The following KCNH5 variants were observed in gnomAD, a reference collection of about 807,000 sequenced individuals.
The protein encoded by KCNH5 is potassium voltage-gated channel subfamily H member 5, also known as voltage-gated delayed rectifier potassium channel KCNH5.
KCNH5 carries 46 observed loss-of-function variants against 96.1 expected under a neutral mutation model. The ratio of observed to expected loss-of-function variants is 0.48; its 90% confidence interval spans 0.38 to 0.61. The LOEUF is 0.61. Among genes scored for constraint, KCNH5 ranks in the 20% least tolerant of loss-of-function variants. KCNH5 has a pLI of 0.00. For synonymous variants in KCNH5, 439 were observed against 449.8 expected, an observed-to-expected ratio of 0.98 and a Z score of 0.30; for missense variants, 907 against 1,225.8, an observed-to-expected ratio of 0.74 and a Z score of 3.88.
chr14:62,792,033 A>G (rs1026672762), intron 9 of KCNH5, among the ~76,000 whole-genome samples: 5 of 151,796 alleles, frequency 3.3e-5, no homozygotes, highest in Non-Finnish European at 7.4e-5. Context: ...ATGATTTTTA[A>G]TTACATTATT....
At chr14:63,025,001 A>G (rs1891499340) in intron 1 of KCNH5, among the ~76,000 whole-genome samples, 1 of 152,162 alleles carries the variant, frequency 6.6e-6, no homozygotes, top group Non-Finnish European at 1.5e-5. Context: ...ATATTTTCAA[A>G]CCAAATTCAA....
chr14:62,740,924 C>T (rs1278242221), intron 10 of KCNH5, among the ~76,000 whole-genome samples: 1 of 152,116 alleles, frequency 6.6e-6, no homozygotes, highest in Non-Finnish European at 1.5e-5. Flanking sequence ...TTCCAGCTTC[C>T]ATTATTTAGT....
chr14:62,713,210 A>AAAT (rs1461509927), intron 10 of KCNH5, among the ~76,000 whole-genome samples: 2 of 152,262 alleles, frequency 1.3e-5, no homozygotes, highest in African/African-American at 4.8e-5. Flanking sequence ...AAAATGTTAC[A>AAAT]AATAAGCAGG....
intron 1 of KCNH5, among the ~76,000 whole-genome samples, chr14:63,021,145 C>A (rs1891418829): frequency 6.6e-6 from 1 of 152,084 alleles, no homozygotes; most frequent in Non-Finnish European, 1.5e-5. Flanking sequence ...GCAGGCCATA[C>A]AGCTACATGG....
At position 62,700,718 on chromosome 14, in the gene KCNH5, T is replaced by A. The variant is rs577006369; in HGVS notation, c.*6790A>T. On this transcript the variant is annotated 3_prime_UTR_variant, in exon 11 of 11. Coordinates refer to ENST00000322893, the MANE Select transcript of KCNH5 (RefSeq NM_139318.5). ...GAATCTTTGTTGTGATTTTGCATAG[T>A]TTACTAGCTAGGTATTCTTCCTGTT... is the stretch of plus-strand genomic sequence containing the variant. 94 of 152,322 alleles carry A rather than the reference T, an allele frequency of 6.2e-4. No homozygotes were observed. The highest frequency in any genetic ancestry group is 2.2e-3 in the African/African-American group (93 of 41,578). The allele number at this position is 152,322 out of a possible 1,614,324, so 9.4% of individuals were successfully genotyped here.
At position 62,785,891 on chromosome 14, in the gene KCNH5, C is replaced by T. The variant is rs1041233752; in HGVS notation, c.1823-5967G>A. Reference sequence around the variant, plus strand: ...GTTAATGACATGAATAAAATAAATGCATAAAAATTTCCACAGTTAGGCAGG... The same window carrying T: ...GTTAATGACATGAATAAAATAAATGTATAAAAATTTCCACAGTTAGGCAGG... On this transcript the variant is annotated intron_variant, in intron 9 of 10. Transcript: ENST00000322893. Among the ~76,000 whole-genome samples, 6 of 152,028 alleles carry T rather than the reference C, an allele frequency of 3.9e-5. No individual in the cohort carries two copies. The South Asian group carries it at 1.2e-3, about 31-fold the overall frequency.
intron 8 of KCNH5, among the ~76,000 whole-genome samples, chr14:62,838,988 T>A (rs963978004): frequency 2.0e-5 from 3 of 149,622 alleles, no homozygotes; most frequent in African/African-American, 7.3e-5. Context: ...GCTACAAAAA[T>A]AATAAAAACA....
At chr14:62,854,366 T>C (rs1432227554) in intron 7 of KCNH5, among the ~76,000 whole-genome samples, 2 of 152,158 alleles carry the variant, frequency 1.3e-5, no homozygotes, top group Non-Finnish European at 2.9e-5. Flanking sequence ...TCAGAAACAT[T>C]TTATTTTCAT....
At chr14:62,770,032 G>T (rs1362881468) in intron 10 of KCNH5, among the ~76,000 whole-genome samples, 3 of 152,156 alleles carry the variant, frequency 2.0e-5, no homozygotes, top group Non-Finnish European at 4.4e-5. Flanking sequence ...ACAGCATCAA[G>T]AATTGATGGA....
chr14:62,875,269 A>G (rs1047242798), intron 7 of KCNH5, among the ~76,000 whole-genome samples: 7 of 151,712 alleles, frequency 4.6e-5, no homozygotes, highest in African/African-American at 1.7e-4. Flanking sequence ...ATACTGCCCA[A>G]GGTAATTTAT....
At chr14:62,732,265 A>G (rs1260158473) in intron 10 of KCNH5, among the ~76,000 whole-genome samples, 2 of 152,294 alleles carry the variant, frequency 1.3e-5, no homozygotes, top group African/African-American at 2.4e-5. Context: ...TAGAATGAAC[A>G]CAACCGTGCT....
chr14:62,751,223 G>A lies in KCNH5; in HGVS notation c.2019+28505C>T, dbSNP rs1885491969. On this transcript the variant is annotated intron_variant, in intron 10 of 10. Coordinates refer to ENST00000322893, the MANE Select transcript of KCNH5 (RefSeq NM_139318.5). The stretch of plus-strand genomic sequence containing the variant: ...CTAACAAGGGGTGGGCCATTCAAGA[G>A]AAAACCAAAGTCCTTGAAGAGCAGC... Among the ~76,000 whole-genome samples the A allele has an allele frequency of 2.0e-5, 3 of 152,098 alleles. 1 individual carries two copies. The South Asian group carries it at 6.2e-4, about 32-fold the overall frequency.
intron 1 of KCNH5, among the ~76,000 whole-genome samples, chr14:63,024,871 A>G (rs1208959577): frequency 6.6e-6 from 1 of 152,176 alleles, no homozygotes; most frequent in Admixed American, 6.5e-5. Flanking sequence ...AAAGGAGAGA[A>G]AACTTTCAAA....
intron 6 of KCNH5, among the ~76,000 whole-genome samples, chr14:62,973,350 C>T (rs1890444591): frequency 6.6e-6 from 1 of 152,036 alleles, no homozygotes; most frequent in Admixed American, 6.6e-5. Flanking sequence ...TGGTTTGTCC[C>T]CTCAAATATA....
At chr14:62,822,819 TA>T (rs1335323084) in intron 8 of KCNH5, among the ~76,000 whole-genome samples, 1 of 151,890 alleles carries the variant, frequency 6.6e-6, no homozygotes, top group African/African-American at 2.4e-5. Context: ...TTAAAAGAAA[TA>T]AAAAAGAACA....
intron 5 of KCNH5, among the ~76,000 whole-genome samples, chr14:62,984,301 A>G (rs371337060): frequency 5.3e-5 from 8 of 152,294 alleles, no homozygotes; most frequent in Admixed American, 2.0e-4. Flanking sequence ...TCTACCCAAC[A>G]TAAAAGTGAA....
chr14:62,909,711 C>T (rs1235450763), intron 7 of KCNH5, among the ~76,000 whole-genome samples: 4 of 152,048 alleles, frequency 2.6e-5, no homozygotes, highest in South Asian at 2.1e-4. Flanking sequence ...TTTGCTCACC[C>T]GCCACCCACA....
At chr14:62,948,387 G>A (rs901416741) in intron 7 of KCNH5, among the ~76,000 whole-genome samples, 15 of 151,968 alleles carry the variant, frequency 9.9e-5, no homozygotes, top group African/African-American at 2.2e-4. Context: ...ACACCTCTAC[G>A]CAAATAAACT....
At chr14:62,776,299 C>T (rs1330106148) in intron 10 of KCNH5, among the ~76,000 whole-genome samples, 1 of 151,952 alleles carries the variant, frequency 6.6e-6, no homozygotes, top group Non-Finnish European at 1.5e-5. Flanking sequence ...TCATGAGTGA[C>T]TTGGTGCCCT....
Sources: allele counts gnomAD v4.1 joint callset (sites outside exome capture counted in the v4.1 genomes callset), GRCh38; gene constraint gnomAD v4.1.1; transcripts MANE v1.5; gene names NCBI Gene and HGNC (gene_info 2026-07-23, HGNC 2026-07-21).